GEMIN2: variants seen among roughly 807,000 people sequenced by gnomAD.
GEMIN2 encodes the protein gem-associated protein 2.
In GEMIN2, 37 loss-of-function variants were observed where a neutral mutation model predicts 45.8. The observed-to-expected ratio is 0.81, with a 90% CI of 0.62 to 1.06. GEMIN2 has a LOEUF of 1.06. Ranked by LOEUF, GEMIN2 falls within the 50% of genes least tolerant of loss-of-function variation. The pLI, the probability that GEMIN2 is intolerant of heterozygous loss-of-function variation, is 0.00. For synonymous variants in GEMIN2, 101 were observed against 111.5 expected (o/e 0.91, Z 0.60); for missense variants, 335 against 321.8 (o/e 1.04, Z -0.31).
chr14:39,136,423 TG>T lies in GEMIN2; in HGVS notation c.771-16del, dbSNP rs2052782190. The stretch of plus-strand genomic sequence containing the variant: ...TTAATATCTTTATACATAAATTTTT[TG>T]TTTTTTTTTTACTAGGTATTTTGAC... On this transcript the variant is annotated splice_polypyrimidine_tract_variant and intron_variant, in intron 9 of 9. Transcript: ENST00000308317. The T allele has an allele frequency of 2.3e-6, 3 of 1,317,644 alleles. No individual in the cohort carries two copies. The highest frequency in any genetic ancestry group is 1.2e-5 in the South Asian group (1 of 84,614). 81.6% of individuals were successfully genotyped at this position (1,317,644 alleles called of 1,614,324 possible).
chr14:39,132,237 TAAAG>T (rs1364818659), intron 8 of GEMIN2, among the ~76,000 whole-genome samples, 169 bp downstream of exon 8: 1 of 152,120 alleles, frequency 6.6e-6, no homozygotes, highest in Non-Finnish European at 1.5e-5. Context: ...TTTTCTGAGA[TAAAG>T]AAGTCTGAGC....
intron 7 of GEMIN2, among the ~76,000 whole-genome samples, chr14:39,129,376 CTG>C (rs2052685912): frequency 6.6e-6 from 1 of 152,118 alleles, no homozygotes; most frequent in Non-Finnish European, 1.5e-5. Context: ...TGATGCATGA[CTG>C]TACTTGATGT....
intron 7 of GEMIN2, among the ~76,000 whole-genome samples, chr14:39,130,926 T>C (rs952684046): frequency 8.6e-5 from 13 of 150,874 alleles, no homozygotes; most frequent in African/African-American, 2.7e-4. Context: ...AAAAACAACA[T>C]GGTAAACATT....
At chr14:39,122,919 T>A (rs1045547831) in intron 5 of GEMIN2, among the ~76,000 whole-genome samples, 7 of 152,174 alleles carry the variant, frequency 4.6e-5, no homozygotes, top group Admixed American at 4.6e-4. Context: ...ATGAGTTGGA[T>A]AAGATTCATA....
intron 4 of GEMIN2, among the ~76,000 whole-genome samples, chr14:39,120,018 T>C (rs182146262): frequency 1.5e-3 from 233 of 152,302 alleles, no homozygotes; most frequent in African/African-American, 4.9e-3. Context: ...AATATATTTT[T>C]TTTCTTACTT....
intron 9 of GEMIN2, chr14:39,133,970 A>AG (rs1205619887): frequency 4.3e-6 from 1 of 231,938 alleles, no homozygotes; most frequent in Non-Finnish European, 8.3e-6. Flanking sequence ...ATTAAAAAAA[A>AG]TTGTTCGTAG....
chr14:39,127,529 G>C (rs1013479677), intron 6 of GEMIN2, among the ~76,000 whole-genome samples: 2 of 151,622 alleles, frequency 1.3e-5, no homozygotes, highest in Non-Finnish European at 1.5e-5. Context: ...TTTTAGTAGA[G>C]ATGGGGTTTC....
intron 6 of GEMIN2, 57 bp downstream of exon 6, chr14:39,125,093 T>C (rs2052623359): frequency 1.2e-6 from 1 of 855,906 alleles, no homozygotes; most frequent in Admixed American, 1.9e-5. Context: ...TGTGAAAGTA[T>C]TTGAATTGTT....
chr14:39,125,449 T>C (rs2139345670), intron 6 of GEMIN2, among the ~76,000 whole-genome samples: 1 of 152,178 alleles, frequency 6.6e-6, no homozygotes, highest in South Asian at 2.1e-4. Context: ...TAGGATTCCT[T>C]TTTTCCCACC....
chr14:39,121,203 T>C (rs1048390519), intron 4 of GEMIN2, among the ~76,000 whole-genome samples: 2 of 152,208 alleles, frequency 1.3e-5, no homozygotes, highest in African/African-American at 4.8e-5. Flanking sequence ...GGACACACCA[T>C]TGTCTGTCAG....
Position 39,136,737 on chromosome 14 carries a change from G to C in GEMIN2, c.*258G>C, listed in dbSNP as rs2052786429. On this transcript the variant is annotated 3_prime_UTR_variant, in exon 10 of 10. Transcript: ENST00000308317. Reference sequence around the variant, plus strand: ...TAATCAAGCAGCTTGCATAGAAATTGTATGATGAAATTTTACATAGGTTCT... The same window carrying C: ...TAATCAAGCAGCTTGCATAGAAATTCTATGATGAAATTTTACATAGGTTCT... 2.8e-6 allele frequency: 1 copy of C among 359,270 alleles called. No individual in the cohort carries two copies. Among genetic ancestry groups the C allele is most frequent in the Non-Finnish European group, 5.0e-6 (1 of 201,530 alleles). 22.3% of individuals were successfully genotyped at this position (359,270 alleles called of 1,614,324 possible).
intron 2 of GEMIN2, 83 bp downstream of exon 2, chr14:39,114,996 C>T (rs2052483109): frequency 2.7e-6 from 2 of 731,012 alleles, no homozygotes; most frequent in Non-Finnish European, 5.0e-6. Context: ...CTGACAGCAT[C>T]AATTATGACG....
intron 4 of GEMIN2, among the ~76,000 whole-genome samples, chr14:39,121,564 C>G (rs1042321151): frequency 6.6e-6 from 1 of 152,124 alleles, no homozygotes; most frequent in African/African-American, 2.4e-5. Context: ...AACAACATGT[C>G]CCACATATTG....
intron 5 of GEMIN2, among the ~76,000 whole-genome samples, chr14:39,123,619 ACT>A (rs2052601433): frequency 7.4e-6 from 1 of 135,912 alleles, no homozygotes; most frequent in Non-Finnish European, 1.5e-5. Flanking sequence ...TTAATTTGGT[ACT>A]CTTTCTATAT....
At chr14:39,131,559 CCA>C (rs1555334417) in intron 7 of GEMIN2, among the ~76,000 whole-genome samples, 3 of 152,046 alleles carry the variant, frequency 2.0e-5, no homozygotes, top group African/African-American at 7.2e-5. Context: ...TTGTATGTCC[CCA>C]GAGGACAAAA....
In GEMIN2 at chr14:39,128,828, G is replaced by T. The variant is rs180819789; in HGVS notation, c.600+480G>T. ...CCTTTTGTGTTTTTTAAATAGAGAC[G>T]AGGTCTCACCATGTTCCCCAGGCTG... On this transcript the variant is annotated intron_variant, in intron 7 of 9. Coordinates refer to ENST00000308317, the MANE Select transcript of GEMIN2 (RefSeq NM_003616.3). Among the ~76,000 whole-genome samples, 4 of 151,990 alleles carry T rather than the reference G, an allele frequency of 2.6e-5. No homozygotes were observed. In the East Asian group the frequency reaches 7.7e-4, roughly 29 times the overall value.
chr14:39,117,684 A>T (rs894688559), intron 2 of GEMIN2, among the ~76,000 whole-genome samples: 8 of 152,100 alleles, frequency 5.3e-5, no homozygotes, highest in African/African-American at 1.9e-4. Flanking sequence ...CTGTTTTGCT[A>T]TTCTAGAAAG....
chr14:39,114,568 A>C, intron 1 of GEMIN2, 93 bp downstream of exon 1: 1 of 933,040 alleles, frequency 1.1e-6, no homozygotes, highest in Admixed American at 2.6e-5. Context: ...GTCTGTTGCG[A>C]GTTCAGGTCT....
chr14:39,130,895 GA>G (rs796388488), intron 7 of GEMIN2, among the ~76,000 whole-genome samples: 6 of 139,024 alleles, frequency 4.3e-5, no homozygotes, highest in Admixed American at 1.5e-4. Flanking sequence ...ACTCCATCTC[GA>G]AAAAAAAAAG....
Sources: allele counts gnomAD v4.1 joint callset (sites outside exome capture counted in the v4.1 genomes callset), GRCh38; gene constraint gnomAD v4.1.1; transcripts MANE v1.5; gene names NCBI Gene and HGNC (gene_info 2026-07-23, HGNC 2026-07-21).